The following PTPRM variants were observed in gnomAD, a reference collection of about 807,000 sequenced individuals.
The protein encoded by PTPRM is protein tyrosine phosphatase receptor type M, also known as receptor-type tyrosine-protein phosphatase mu.
Under a neutral mutation model 186.7 loss-of-function variants are expected in PTPRM, and 47 were observed. That is an observed-to-expected ratio of 0.25 (90% CI 0.20 to 0.32). The LOEUF (loss-of-function observed/expected upper bound fraction) is 0.32. Ranked by LOEUF, PTPRM falls within the 10% of genes least tolerant of loss-of-function variation. The pLI is 1.00. For missense variants in PTPRM, 1,494 were observed against 1,865.0 expected (o/e 0.80, Z 3.66); for synonymous variants, 668 against 674.9 (o/e 0.99, Z 0.16).
chr18:8,107,466 T>G (rs1249229201), intron 11 of PTPRM, among the ~76,000 whole-genome samples: 2 of 152,228 alleles, frequency 1.3e-5, no homozygotes, highest in African/African-American at 2.4e-5. Context: ...CAACCTTTCA[T>G]CTGTAATTAA....
chr18:7,880,339 T>C lies in PTPRM; in HGVS notation c.197-7767T>C, dbSNP rs529293700. Among the ~76,000 whole-genome samples the C allele has an allele frequency of 3.3e-5, 5 of 152,288 alleles. No individual in the cohort carries two copies. In the South Asian group the frequency reaches 1.0e-3, roughly 32 times the overall value. ...CAGCATGTCATGAATGGGGCAAAAATTAATACAACTAACAAATGGTCTTTT... is the reference window on the plus strand; with the variant it reads ...CAGCATGTCATGAATGGGGCAAAAACTAATACAACTAACAAATGGTCTTTT... On this transcript the variant is annotated intron_variant, in intron 2 of 32. Transcript: ENST00000580170.
intron 7 of PTPRM, among the ~76,000 whole-genome samples, chr18:8,055,336 G>A (rs1165409894): frequency 1.3e-5 from 2 of 151,560 alleles, no homozygotes; most frequent in Non-Finnish European, 2.9e-5. Context: ...ATTTTTCTGT[G>A]CTACATTCTA....
intron 3 of PTPRM, among the ~76,000 whole-genome samples, chr18:7,890,876 A>T (rs1168430867): frequency 6.6e-6 from 1 of 152,224 alleles, no homozygotes; most frequent in Admixed American, 6.5e-5. Flanking sequence ...ATTTAAGGTT[A>T]TGTTGTTAAA....
chr18:8,402,193 A>C (rs190859760), intron 32 of PTPRM, among the ~76,000 whole-genome samples: 68 of 152,300 alleles, frequency 4.5e-4, no homozygotes, highest in African/African-American at 1.6e-3. Flanking sequence ...GATTTCAGGC[A>C]TTTACCCAGG....
At chr18:7,900,239 C>T (rs143769996) in intron 3 of PTPRM, among the ~76,000 whole-genome samples, 7 of 152,154 alleles carry the variant, frequency 4.6e-5, no homozygotes, top group Admixed American at 6.5e-5. Context: ...AATGAATAAA[C>T]GTGGCTTTGT....
intron 1 of PTPRM, among the ~76,000 whole-genome samples, chr18:7,674,456 G>T (rs2039289223): frequency 6.6e-6 from 1 of 152,174 alleles, no homozygotes; most frequent in Admixed American, 6.5e-5. Context: ...CTGGTGGTGT[G>T]ATGGGGAAGC....
intron 1 of PTPRM, among the ~76,000 whole-genome samples, chr18:7,684,342 A>G (rs1388548552): frequency 6.6e-6 from 1 of 152,104 alleles, no homozygotes; most frequent in Non-Finnish European, 1.5e-5. Flanking sequence ...AATAAATAAC[A>G]TGGTAAGAAC....
At chr18:7,615,696 G>T (rs746236996) in intron 1 of PTPRM, among the ~76,000 whole-genome samples, 3 of 152,170 alleles carry the variant, frequency 2.0e-5, no homozygotes, top group Non-Finnish European at 2.9e-5. Flanking sequence ...TTTTTCCACA[G>T]ATGGGGTGGG....
intron 1 of PTPRM, among the ~76,000 whole-genome samples, chr18:7,763,551 T>C (rs1362927434): frequency 6.6e-6 from 1 of 152,210 alleles, no homozygotes; most frequent in Non-Finnish European, 1.5e-5. Flanking sequence ...ATGATCCCAA[T>C]TAAATACACT....
chr18:8,392,419 T>C (rs2095819091), intron 31 of PTPRM, among the ~76,000 whole-genome samples: 1 of 151,550 alleles, frequency 6.6e-6, no homozygotes, highest in South Asian at 2.1e-4. Context: ...GGTCAGGAGA[T>C]TGAGACTATC....
intron 19 of PTPRM, among the ~76,000 whole-genome samples, chr18:8,264,747 G>A (rs1267192393): frequency 6.9e-6 from 1 of 145,816 alleles, no homozygotes; most frequent in Non-Finnish European, 1.5e-5. Flanking sequence ...CTGCACTCCT[G>A]CGTGGTGACA....
intron 7 of PTPRM, among the ~76,000 whole-genome samples, chr18:7,979,484 T>C (rs2082429538): frequency 6.6e-6 from 1 of 152,222 alleles, no homozygotes; most frequent in South Asian, 2.1e-4. Flanking sequence ...GTGTTTTATT[T>C]GAGACAAATG....
rs140467462 is a variant in PTPRM, at chr18:8,298,679, G to C, written c.2842+2224G>C. ...ACACCACGAAATAGGTAGTATTTTTGTATCTATTTTACAGGTGAGGCAATT... is the reference window on the plus strand; with the variant it reads ...ACACCACGAAATAGGTAGTATTTTTCTATCTATTTTACAGGTGAGGCAATT... On this transcript the variant is annotated intron_variant, in intron 20 of 32. Coordinates refer to ENST00000580170, the MANE Select transcript of PTPRM (RefSeq NM_001105244.2). Among the ~76,000 whole-genome samples, 1,141 of 152,316 alleles carry C rather than the reference G, an allele frequency of 7.5e-3. 36 individuals are homozygous for C. The South Asian group carries it at 0.099, about 13-fold the overall frequency.
chr18:8,105,733 G>A (rs978487534), intron 11 of PTPRM, among the ~76,000 whole-genome samples: 3 of 152,206 alleles, frequency 2.0e-5, no homozygotes, highest in Non-Finnish European at 4.4e-5. Flanking sequence ...GGTGTACAGG[G>A]AGGCTGCTAT....
chr18:8,101,090 A>G (rs771611493), intron 11 of PTPRM, among the ~76,000 whole-genome samples: 11 of 152,340 alleles, frequency 7.2e-5, no homozygotes, highest in Non-Finnish European at 1.3e-4. Flanking sequence ...AAGAGAAGGC[A>G]TTGTTGGTAG....
chr18:7,676,665 G>A (rs867571069), intron 1 of PTPRM, among the ~76,000 whole-genome samples: 3,185 of 108,550 alleles, frequency 0.029, 87 homozygotes, highest in African/African-American at 0.12. Flanking sequence ...GTGTGTGTAT[G>A]TGTGTGTGTG....
intron 11 of PTPRM, among the ~76,000 whole-genome samples, chr18:8,102,067 C>A (rs2091315537): frequency 6.6e-6 from 1 of 152,086 alleles, no homozygotes; most frequent in African/African-American, 2.4e-5. Context: ...ATACTGTAGT[C>A]TGTTAAGTGA....
intron 10 of PTPRM, among the ~76,000 whole-genome samples, chr18:8,087,139 A>T (rs1434989448): frequency 6.6e-6 from 1 of 152,154 alleles, no homozygotes; most frequent in Non-Finnish European, 1.5e-5. Flanking sequence ...AATTAAGATA[A>T]TATTATCTAG....
intron 1 of PTPRM, among the ~76,000 whole-genome samples, chr18:7,726,056 C>T (rs1307674239): frequency 6.6e-6 from 1 of 152,174 alleles, no homozygotes. Flanking sequence ...CCCAAAAGCG[C>T]TCGCCCCAGC....
Sources: gnomAD v4.1 joint callset for allele counts (sites outside exome capture counted in the v4.1 genomes callset) on GRCh38, gnomAD v4.1.1 for gene constraint, MANE v1.5 for transcripts, NCBI Gene and HGNC (gene_info 2026-07-23, HGNC 2026-07-21) for gene names.